The following PTPRN2 variants were observed in gnomAD, a reference collection of about 807,000 sequenced individuals.
PTPRN2 encodes the protein receptor-type tyrosine-protein phosphatase N2.
In PTPRN2, 74 loss-of-function variants were observed where a neutral mutation model predicts 118.8. The ratio of observed to expected loss-of-function variants is 0.62; its 90% CI spans 0.52 to 0.76. PTPRN2 has a LOEUF of 0.76. Ranked by LOEUF, PTPRN2 falls within the 30% of genes least tolerant of loss-of-function variation. PTPRN2 has a pLI of 0.00. For synonymous variants in PTPRN2, 641 were observed against 608.0 expected (o/e 1.05, Z -0.80); for missense variants, 1,481 against 1,394.4 (o/e 1.06, Z -0.99).
intron 2 of PTPRN2, among the ~76,000 whole-genome samples, chr7:158,331,463 C>T (rs1352217002): frequency 2.6e-4 from 35 of 132,160 alleles, no homozygotes; most frequent in Middle Eastern, 4.9e-3. Context: ...AGCTGACACC[C>T]GCAGACGTCA....
At chr7:158,183,526 G>A (rs188315885) in intron 5 of PTPRN2, among the ~76,000 whole-genome samples, 289 of 152,302 alleles carry the variant, frequency 1.9e-3, no homozygotes, top group African/African-American at 6.6e-3. Flanking sequence ...TGACTGAGTT[G>A]GTTGGCAGAC....
rs544659990 is a variant in PTPRN2, at chr7:157,893,212, T to C, written c.1788+5461A>G. Among the ~76,000 whole-genome samples, 3 of 152,278 alleles carry C rather than the reference T, an allele frequency of 2.0e-5. No individual in the cohort carries two copies. The East Asian group carries it at 5.8e-4, about 29-fold the overall frequency. On this transcript the variant is annotated intron_variant, in intron 12 of 22. Transcript: ENST00000389418. This position sits in a 1 kb window ranked among gnomAD's most constrained non-coding sequence, Gnocchi z 4.0. ...TGGGTGAAATAAACACTCTAGCGTT[T>C]GGTAATTTTCTGTCCCAGGGATGAC...
At position 157,764,137 on chromosome 7, in the gene PTPRN2, A is replaced by C. The variant is rs1467191775; in HGVS notation, c.1789-81200T>G. On this transcript the variant is annotated intron_variant, in intron 12 of 22. Coordinates refer to ENST00000389418, the MANE Select transcript of PTPRN2 (RefSeq NM_002847.5). The surrounding 1 kb of genome is among the most constrained non-coding windows in gnomAD (Gnocchi z 4.5). Reference sequence around the variant, plus strand: ...AGGAATCGTAACTGGCACACTCTGCAGGGAGGAATATAGCATGATGCAGTC... The same window carrying C: ...AGGAATCGTAACTGGCACACTCTGCCGGGAGGAATATAGCATGATGCAGTC... 1.3e-5 allele frequency among the ~76,000 whole-genome samples: 2 copies of C among 152,188 alleles called. No individual in the cohort carries two copies. The highest frequency in any genetic ancestry group is 2.9e-5 in the Non-Finnish European group (2 of 68,028).
intron 14 of PTPRN2, among the ~76,000 whole-genome samples, chr7:157,653,791 G>A (rs969184868): frequency 4.7e-5 from 7 of 150,146 alleles, no homozygotes; most frequent in South Asian, 2.1e-4. Flanking sequence ...GACTCCACAC[G>A]ATGCCCGCTG....
intron 11 of PTPRN2, among the ~76,000 whole-genome samples, chr7:158,075,413 C>A (rs982535352): frequency 6.6e-6 from 1 of 152,074 alleles, no homozygotes; most frequent in Non-Finnish European, 1.5e-5. Flanking sequence ...CGCTCCCGTG[C>A]AGGTGGGAGT....
At chr7:157,914,466 G>A (rs191582614) in intron 11 of PTPRN2, among the ~76,000 whole-genome samples, 18 of 152,272 alleles carry the variant, frequency 1.2e-4, no homozygotes, top group East Asian at 1.2e-3. Flanking sequence ...CTTATGAATC[G>A]TAGGTAATAT....
chr7:158,114,422 C>T (rs1816559226), intron 9 of PTPRN2, among the ~76,000 whole-genome samples: 1 of 152,250 alleles, frequency 6.6e-6, no homozygotes, highest in South Asian at 2.1e-4. Flanking sequence ...AACAAAGCCA[C>T]ATGACTTCCA....
chr7:158,354,153 C>T (rs1156739051), intron 2 of PTPRN2, among the ~76,000 whole-genome samples: 4 of 152,176 alleles, frequency 2.6e-5, no homozygotes, highest in Non-Finnish European at 5.9e-5. Context: ...GCTTAAGGCG[C>T]CATCTAGTGC....
At chr7:158,347,660 T>C (rs1449484209) in intron 2 of PTPRN2, among the ~76,000 whole-genome samples, 1 of 152,226 alleles carries the variant, frequency 6.6e-6, no homozygotes, top group Non-Finnish European at 1.5e-5. Context: ...GGAATTTTGA[T>C]AGGGGTTGCA....
intron 2 of PTPRN2, among the ~76,000 whole-genome samples, chr7:158,399,801 C>A (rs754030348): frequency 6.6e-6 from 1 of 152,198 alleles, no homozygotes; most frequent in Non-Finnish European, 1.5e-5. Context: ...CCTACTGCAC[C>A]GGAACCATCC....
intron 3 of PTPRN2, among the ~76,000 whole-genome samples, chr7:158,308,879 T>C (rs1253296434): frequency 6.6e-6 from 1 of 151,904 alleles, no homozygotes; most frequent in Non-Finnish European, 1.5e-5. Flanking sequence ...ATAATCTAGG[T>C]GAAATTGACA....
chr7:157,773,305 G>A (rs1802998528), intron 12 of PTPRN2, among the ~76,000 whole-genome samples: 1 of 152,206 alleles, frequency 6.6e-6, no homozygotes, highest in African/African-American at 2.4e-5. Context: ...ACCAAGCACA[G>A]CCCCTTCTGT....
chr7:158,419,902 C>T (rs1424021843), intron 2 of PTPRN2, among the ~76,000 whole-genome samples: 1 of 152,218 alleles, frequency 6.6e-6, no homozygotes, highest in Non-Finnish European at 1.5e-5. Flanking sequence ...GACACCAGTG[C>T]TGGTGATGCA....
chr7:158,085,844 G>A (rs34335331), intron 10 of PTPRN2, among the ~76,000 whole-genome samples: 3,300 of 116,160 alleles, frequency 0.028, 184 homozygotes, highest in African/African-American at 0.1. Context: ...CACCCATGAC[G>A]CCCATCCACA....
chr7:157,564,973 T>C (rs2150501852), intron 21 of PTPRN2, among the ~76,000 whole-genome samples: 1 of 152,256 alleles, frequency 6.6e-6, no homozygotes, highest in East Asian at 1.9e-4. Context: ...GAGTCAGTCA[T>C]AAAATGGAAG....
At chr7:158,357,236 G>A (rs562586877) in intron 2 of PTPRN2, among the ~76,000 whole-genome samples, 2 of 152,366 alleles carry the variant, frequency 1.3e-5, no homozygotes, top group South Asian at 4.1e-4. Flanking sequence ...GAGACAAAAC[G>A]ACGCCCGGCA....
intron 3 of PTPRN2, among the ~76,000 whole-genome samples, chr7:158,282,425 T>G (rs1330020695): frequency 1.3e-5 from 2 of 152,198 alleles, no homozygotes; most frequent in Non-Finnish European, 2.9e-5. Flanking sequence ...GTCAGAGGTG[T>G]GTGGGTCTAG....
At chr7:158,349,001 G>C (rs10272369) in intron 2 of PTPRN2, among the ~76,000 whole-genome samples, 55 of 5,106 alleles carry the variant, frequency 0.011, 1 homozygote, top group African/African-American at 0.061. Flanking sequence ...CCTGAGGGCA[G>C]TGCTGAGGGT....
At chr7:158,578,160 C>A (rs1167981766) in intron 1 of PTPRN2, among the ~76,000 whole-genome samples, 1 of 152,156 alleles carries the variant, frequency 6.6e-6, no homozygotes, top group Non-Finnish European at 1.5e-5. Context: ...TCAAATATTA[C>A]ATAATAAAAC....
Sources: allele counts gnomAD v4.1 joint callset (sites outside exome capture counted in the v4.1 genomes callset), GRCh38; gene constraint gnomAD v4.1.1; non-coding constraint Gnocchi (gnomAD v3.1); transcripts MANE v1.5; gene names NCBI Gene and HGNC (gene_info 2026-07-23, HGNC 2026-07-21).